The following GLG1 variants were observed in gnomAD, a reference collection of about 807,000 sequenced individuals.
The protein encoded by GLG1 is golgi glycoprotein 1.
GLG1 carries 38 observed loss-of-function variants against 160.5 expected under a neutral mutation model. That is an observed-to-expected ratio of 0.24 (90% CI 0.18 to 0.31). The LOEUF is 0.31. Ranked by LOEUF, GLG1 falls within the 10% of genes least tolerant of loss-of-function variation. The pLI is 1.00. For missense variants in GLG1, 1,373 were observed against 1,505.2 expected, an observed-to-expected ratio of 0.91 and a Z score of 1.45; for synonymous variants, 644 against 543.4, an observed-to-expected ratio of 1.19 and a Z score of -2.57.
intron 1 of GLG1, among the ~76,000 whole-genome samples, chr16:74,548,254 T>C (rs972043810): frequency 1.3e-5 from 2 of 152,212 alleles, no homozygotes; most frequent in African/African-American, 2.4e-5. Flanking sequence ...GGTAAAACCA[T>C]AACATCACAA....
At chr16:74,499,442 T>G (rs1289806379) in intron 4 of GLG1, among the ~76,000 whole-genome samples, 4 of 152,148 alleles carry the variant, frequency 2.6e-5, no homozygotes, top group African/African-American at 9.7e-5. Context: ...CTTTCCTATG[T>G]TTATATGTAC....
rs1163790700 is a variant in GLG1, at chr16:74,449,469, G to A, written c.*3698C>T. 1.3e-5 allele frequency: 2 copies of A among 152,140 alleles called. No individual in the cohort carries two copies. The highest frequency in any genetic ancestry group is 4.8e-5 in the African/African-American group (2 of 41,434). The allele number at this position is 152,140 out of a possible 1,614,324, so 9.4% of individuals were successfully genotyped here. On this transcript the variant is annotated 3_prime_UTR_variant, in exon 26 of 26. Coordinates refer to ENST00000422840, the MANE Select transcript of GLG1 (RefSeq NM_001145667.2). ...TGTGCCTTGATAAAACGTAAAACAT[G>A]AATGAAGACACTCTCACCATTAGAT...
intron 1 of GLG1, among the ~76,000 whole-genome samples, chr16:74,593,909 T>C (rs564468537): frequency 6.6e-6 from 1 of 152,244 alleles, no homozygotes. Context: ...TTTATTTTTT[T>C]CTTGTTGTCA....
chr16:74,491,774 G>A (rs892203203), intron 7 of GLG1, among the ~76,000 whole-genome samples: 10 of 151,644 alleles, frequency 6.6e-5, no homozygotes, highest in African/African-American at 2.2e-4. Flanking sequence ...AAGTAGCTGG[G>A]ACTACAGGCG....
intron 8 of GLG1, 35 bp downstream of exon 8, chr16:74,490,966 T>G (rs780175737): frequency 1.4e-6 from 2 of 1,446,186 alleles, no homozygotes; most frequent in African/African-American, 2.8e-5. Flanking sequence ...CTGATAAATG[T>G]GACATTCAAA....
chr16:74,476,100 T>C (rs2015382213), intron 12 of GLG1, among the ~76,000 whole-genome samples: 1 of 151,998 alleles, frequency 6.6e-6, no homozygotes, highest in Non-Finnish European at 1.5e-5. Context: ...AAGAATTGCT[T>C]GAACCCGGGA....
intron 2 of GLG1, among the ~76,000 whole-genome samples, chr16:74,521,513 G>GT (rs2143556546): frequency 6.6e-6 from 1 of 152,270 alleles, no homozygotes; most frequent in South Asian, 2.1e-4. Context: ...AATGTGAAGT[G>GT]TAAGAGGAGA....
chr16:74,588,918 C>T (rs1958110534), intron 1 of GLG1, among the ~76,000 whole-genome samples: 1 of 151,468 alleles, frequency 6.6e-6, no homozygotes, highest in Admixed American at 6.6e-5. Context: ...GTTGTTAGAC[C>T]AATATCCTTT....
rs2014235026 is a variant in GLG1 at position 74,450,275 on chromosome 16, T to A, written c.*2892A>T. The A allele has an allele frequency of 6.6e-6, 1 of 152,300 alleles. No individual in the cohort carries two copies. The highest frequency in any genetic ancestry group is 1.9e-4 in the East Asian group (1 of 5,198). The allele number at this position is 152,300 out of a possible 1,614,324, so 9.4% of individuals were successfully genotyped here. A position where few individuals can be genotyped will look rare whatever the true frequency, so the allele number is the denominator to read the frequency against. On this transcript the variant is annotated 3_prime_UTR_variant, in exon 26 of 26. Coordinates refer to ENST00000422840, the MANE Select transcript of GLG1 (RefSeq NM_001145667.2). ...ACATCCACAGAAGGGTCATTGTTTC[T>A]TTTCTTGACCATTTCTCAGCCAGTT...
At chr16:74,468,226 C>CTTTTTTTTTTTTTTTT (rs201829157) in intron 17 of GLG1, 1 of 83,320 alleles carries the variant, frequency 1.2e-5, no homozygotes, top group African/African-American at 5.2e-5. Context: ...CTTGAAATGT[C>CTTTTTTTTTTTTTTTT]TTTTTTTTTT....
At chr16:74,552,472 C>T (rs755038081) in intron 1 of GLG1, 46 of 495,568 alleles carry the variant, frequency 9.3e-5, no homozygotes, top group Non-Finnish European at 1.7e-4. Flanking sequence ...ACCTTACCAA[C>T]GACTGTATCC....
At chr16:74,542,910 A>C (rs1296230518) in intron 1 of GLG1, among the ~76,000 whole-genome samples, 2 of 152,216 alleles carry the variant, frequency 1.3e-5, no homozygotes, top group African/African-American at 2.4e-5. Context: ...CATACTACCA[A>C]TCCAACTTTG....
chr16:74,568,494 T>C (rs1265056089), intron 1 of GLG1, among the ~76,000 whole-genome samples: 2 of 151,426 alleles, frequency 1.3e-5, no homozygotes, highest in South Asian at 2.1e-4. Flanking sequence ...CTCGGCTCAC[T>C]GGAACCTCCG....
chr16:74,553,719 C>T (rs1405654785), intron 1 of GLG1, among the ~76,000 whole-genome samples: 13 of 152,078 alleles, frequency 8.5e-5, no homozygotes, highest in Non-Finnish European at 1.9e-4. Flanking sequence ...GTGATCCACC[C>T]GCCTCGGCCT....
At chr16:74,497,142 A>T (rs1325308197) in intron 4 of GLG1, among the ~76,000 whole-genome samples, 2 of 151,728 alleles carry the variant, frequency 1.3e-5, no homozygotes, top group Non-Finnish European at 2.9e-5. Context: ...ACAAAAAATT[A>T]GCCAGGCATG....
chr16:74,451,875 T>A lies in GLG1; in HGVS notation c.*1292A>T. On this transcript the variant is annotated 3_prime_UTR_variant, in exon 26 of 26. Coordinates refer to ENST00000422840, the MANE Select transcript of GLG1 (RefSeq NM_001145667.2). ...AAAGCCCATATTCTGCAAAGGTTGA[T>A]GAATCGCCAAAATACAACATTTAGC... is the stretch of plus-strand genomic sequence containing the variant. The A allele has an allele frequency of 1.7e-6, 1 of 580,712 alleles. No individual in the cohort carries two copies. The highest frequency in any genetic ancestry group is 2.1e-5 in the South Asian group (1 of 48,538). 36.0% of individuals were successfully genotyped at this position (580,712 alleles called of 1,614,324 possible).
At chr16:74,583,867 C>T (rs1030874664) in intron 1 of GLG1, among the ~76,000 whole-genome samples, 12 of 152,162 alleles carry the variant, frequency 7.9e-5, no homozygotes, top group African/African-American at 2.9e-4. Flanking sequence ...GTATCATCAT[C>T]ACCACATTCC....
At chr16:74,560,833 G>A (rs1165899908) in intron 1 of GLG1, among the ~76,000 whole-genome samples, 2 of 152,110 alleles carry the variant, frequency 1.3e-5, no homozygotes, top group Non-Finnish European at 2.9e-5. Flanking sequence ...AAAAAAGAAG[G>A]GAGGAAGGGA....
chr16:74,491,072 GC>G lies in GLG1; in HGVS notation c.1377del (p.Arg460GlyfsTer6), dbSNP rs1299661935. The G allele has an allele frequency of 6.2e-7, 1 of 1,613,908 alleles. No homozygotes were observed. The highest frequency in any genetic ancestry group is 1.3e-5 in the African/African-American group (1 of 74,900). ...ACTTTCATCAGACAGTGTAGGGTCC[GC>G]CCTTTTCGATGTAATCCGGAACAAT... ...EHHCSGLHRK[G>X]RTLHCLMKVV... On this transcript the variant is annotated frameshift_variant, in exon 8 of 26. Transcript: ENST00000422840. LOFTEE classifies it high-confidence loss of function.
Sources: allele counts gnomAD v4.1 joint callset (sites outside exome capture counted in the v4.1 genomes callset), GRCh38; gene constraint gnomAD v4.1.1; transcripts MANE v1.5; gene names NCBI Gene and HGNC (gene_info 2026-07-23, HGNC 2026-07-21).